KMT2C: variants seen among roughly 807,000 people sequenced by gnomAD.
KMT2C encodes lysine methyltransferase 2C.
Under a neutral mutation model 507.9 loss-of-function variants are expected in KMT2C, and 88 were observed. The ratio of observed to expected loss-of-function variants is 0.17; its 90% CI spans 0.15 to 0.21. The LOEUF (loss-of-function observed/expected upper bound fraction) is 0.21, where lower values mean the gene tolerates loss of function less well. KMT2C is among the 10% of genes least tolerant of loss of function. The pLI, the probability that KMT2C is intolerant of heterozygous loss-of-function variation, is 1.00. For missense variants in KMT2C, 4,954 were observed against 5,957.8 expected (o/e 0.83, Z 5.55); for synonymous variants, 2,049 against 2,080.8 (o/e 0.98, Z 0.42).
intron 1 of KMT2C, among the ~76,000 whole-genome samples, chr7:152,365,082 GACT>G (rs1203603071): frequency 2.0e-5 from 3 of 152,134 alleles, no homozygotes; most frequent in Non-Finnish European, 4.4e-5. Flanking sequence ...AAGTAAAAAT[GACT>G]GCAGGCTTCT....
chr7:152,203,558 C>T (rs2094207748), intron 25 of KMT2C, among the ~76,000 whole-genome samples: 3 of 151,968 alleles, frequency 2.0e-5, no homozygotes, highest in Admixed American at 6.5e-5. Context: ...GAAAACATGA[C>T]GATGAATATG....
intron 23 of KMT2C, among the ~76,000 whole-genome samples, chr7:152,209,438 C>G (rs1201338231): frequency 7.8e-6 from 1 of 128,268 alleles, no homozygotes; most frequent in African/African-American, 3.2e-5. Flanking sequence ...CCCTGGGCGA[C>G]AGCGGGACTC....
intron 14 of KMT2C, 85 bp from the exon 15 acceptor site, chr7:152,238,911 G>A (rs2095333294): frequency 1.6e-6 from 2 of 1,268,386 alleles, no homozygotes; most frequent in East Asian, 5.2e-5. Context: ...TTTTAGAACA[G>A]CAAAAACAAA....
intron 6 of KMT2C, among the ~76,000 whole-genome samples, chr7:152,281,327 T>G (rs1009626898): frequency 1.3e-5 from 2 of 152,154 alleles, no homozygotes; most frequent in African/African-American, 2.4e-5. Context: ...TTATAGAATT[T>G]CATAATTTAA....
At chr7:152,319,906 T>C (rs1051790108) in intron 3 of KMT2C, among the ~76,000 whole-genome samples, 3 of 152,120 alleles carry the variant, frequency 2.0e-5, no homozygotes, top group African/African-American at 7.2e-5. Context: ...CACGTGACCT[T>C]ACCTATCACT....
At chr7:152,211,991 T>C (rs1345776480) in intron 23 of KMT2C, among the ~76,000 whole-genome samples, 1 of 152,114 alleles carries the variant, frequency 6.6e-6, no homozygotes, top group African/African-American at 2.4e-5. Context: ...GAGCTTGCAG[T>C]GAGCCGAGAT....
intron 6 of KMT2C, among the ~76,000 whole-genome samples, chr7:152,290,162 A>T (rs1393203168): frequency 3.3e-5 from 5 of 149,872 alleles, no homozygotes; most frequent in Admixed American, 6.7e-5. Flanking sequence ...TTATAAAATC[A>T]TATATGGGTA....
chr7:152,417,066 A>AC (rs1434250125), intron 1 of KMT2C, among the ~76,000 whole-genome samples: 3 of 151,448 alleles, frequency 2.0e-5, no homozygotes, highest in African/African-American at 7.3e-5. Flanking sequence ...AAAAAAAAAA[A>AC]AAGAGTTTAT....
chr7:152,416,811 G>A lies in KMT2C; in HGVS notation c.161+18815C>T, dbSNP rs1020107785. Among the ~76,000 whole-genome samples, 130 of 151,134 alleles carry A rather than the reference G, an allele frequency of 8.6e-4. 1 individual carries two copies. The highest frequency in any genetic ancestry group is 3.1e-3 in the African/African-American group (128 of 41,248). ...TCACACCTGTAATCCCAGGACTTTG[G>A]GAGGCTAAAGCAGGCAGGTCACTTG... On this transcript the variant is annotated intron_variant, in intron 1 of 58. Transcript: ENST00000262189.
chr7:152,167,680 C>A (rs1166910832), intron 41 of KMT2C, among the ~76,000 whole-genome samples: 2 of 151,974 alleles, frequency 1.3e-5, no homozygotes, highest in African/African-American at 4.8e-5. Context: ...TTTTACTAAA[C>A]AAATTCTCTA....
In KMT2C at chr7:152,332,964, T is replaced by A. The variant is rs985187769; in HGVS notation, c.251-2225A>T. Among the ~76,000 whole-genome samples, 3 of 151,588 alleles carry A rather than the reference T, an allele frequency of 2.0e-5. No individual in the cohort carries two copies. In the South Asian group the frequency reaches 6.2e-4, roughly 32 times the overall value. On this transcript the variant is annotated intron_variant, in intron 2 of 58. Coordinates refer to ENST00000262189, the MANE Select transcript of KMT2C (RefSeq NM_170606.3). ...ACAATCCAGTTAGCACCCACAAGCT[T>A]TCTTCAAACATCCTAAAAGTTCACT...
chr7:152,304,257 C>T (rs1194773502), intron 6 of KMT2C, among the ~76,000 whole-genome samples: 1 of 152,114 alleles, frequency 6.6e-6, no homozygotes, highest in African/African-American at 2.4e-5. Context: ...GTAAAATGAT[C>T]TAATTAGAAG....
chr7:152,240,246 C>G (rs1486172368), intron 14 of KMT2C, among the ~76,000 whole-genome samples: 1 of 152,150 alleles, frequency 6.6e-6, no homozygotes, highest in African/African-American at 2.4e-5. Flanking sequence ...CCTATGTCTT[C>G]TTCCCTACTA....
In KMT2C at chr7:152,181,169, C is replaced by G; in HGVS notation, c.6691G>C (p.Glu2231Gln). The G allele has an allele frequency of 6.2e-7, 1 of 1,614,162 alleles. No individual in the cohort carries two copies. Among genetic ancestry groups the G allele is most frequent in the East Asian group, 2.2e-5 (1 of 44,870 alleles). ...GTCATTGAGGACCTAGTAAAACCCT[C>G]TGAAATCCTTGGCCTTGGTGTTGCT... is the stretch of plus-strand genomic sequence containing the variant. ...PPATPRPRIS[E>Q]GFTRSSMTRP... The change falls in exon 36 of 59, where the codon GAG (glutamate) becomes CAG (glutamine). Residue 2231 changes from glutamate (E) to glutamine (Q), a missense_variant. Coordinates refer to ENST00000262189, the MANE Select transcript of KMT2C (RefSeq NM_170606.3).
At chr7:152,401,042 T>A (rs2097569176) in intron 1 of KMT2C, among the ~76,000 whole-genome samples, 1 of 151,734 alleles carries the variant, frequency 6.6e-6, no homozygotes, top group South Asian at 2.1e-4. Flanking sequence ...ACATACTACT[T>A]GCCTCTGCTG....
chr7:152,238,431 G>C (rs1392257048), intron 15 of KMT2C, among the ~76,000 whole-genome samples: 4 of 152,092 alleles, frequency 2.6e-5, no homozygotes, highest in African/African-American at 9.7e-5. Context: ...TGAATGAAAA[G>C]GTCCTTAATT....
At chr7:152,313,999 T>C (rs1330739218) in intron 4 of KMT2C, among the ~76,000 whole-genome samples, 3 of 152,136 alleles carry the variant, frequency 2.0e-5, no homozygotes. Context: ...AATTTGCTAA[T>C]AGACATTTTA....
intron 3 of KMT2C, among the ~76,000 whole-genome samples, chr7:152,324,674 C>A (rs559897211): frequency 6.6e-6 from 1 of 152,078 alleles, no homozygotes; most frequent in East Asian, 1.9e-4. Flanking sequence ...AGAAACCCCA[C>A]AGACCCATGT....
intron 43 of KMT2C, 28 bp downstream of exon 43, chr7:152,162,089 A>G: frequency 6.7e-7 from 1 of 1,498,044 alleles, no homozygotes; most frequent in Non-Finnish European, 8.9e-7. Context: ...AAAAGAAAAA[A>G]GTTGTCGTTT....
Sources: allele counts gnomAD v4.1 joint callset (sites outside exome capture counted in the v4.1 genomes callset), GRCh38; gene constraint gnomAD v4.1.1; transcripts MANE v1.5; gene names NCBI Gene and HGNC (gene_info 2026-07-23, HGNC 2026-07-21).